Variants in RRAGD observed in about 807,000 individuals in gnomAD.
RRAGD encodes the protein ras-related GTP-binding protein D.
Under a neutral mutation model 35.5 loss-of-function variants are expected in RRAGD, and 12 were observed. The observed-to-expected ratio is 0.34, with a 90% CI of 0.22 to 0.55. RRAGD has a LOEUF of 0.55. Among genes scored for constraint, RRAGD ranks in the 20% least tolerant of loss-of-function variants. The pLI, the probability that RRAGD is intolerant of heterozygous loss-of-function variation, is 0.91. For missense variants in RRAGD, 324 were observed against 490.1 expected, an observed-to-expected ratio of 0.66 and a Z score of 3.20; for synonymous variants, 155 against 178.9, an observed-to-expected ratio of 0.87 and a Z score of 1.07.
intron 1 of RRAGD, among the ~76,000 whole-genome samples, chr6:89,399,757 A>G (rs1394702923): frequency 6.9e-6 from 1 of 143,936 alleles, no homozygotes; most frequent in African/African-American, 2.6e-5. Context: ...TTGTACCACC[A>G]TGCCCAGCTA....
chr6:89,371,098 A>G (rs1306766050), intron 6 of RRAGD, among the ~76,000 whole-genome samples: 2 of 151,928 alleles, frequency 1.3e-5, no homozygotes, highest in East Asian at 1.9e-4. Context: ...TTAGAATATA[A>G]AACTATATTA....
chr6:89,385,948 T>G (rs1769130903), intron 2 of RRAGD, among the ~76,000 whole-genome samples: 1 of 152,198 alleles, frequency 6.6e-6, no homozygotes, highest in Non-Finnish European at 1.5e-5. Flanking sequence ...GGGCTCAGAA[T>G]GATATTATCG....
intron 1 of RRAGD, among the ~76,000 whole-genome samples, chr6:89,408,182 C>T (rs1238772792): frequency 6.6e-6 from 1 of 152,084 alleles, no homozygotes; most frequent in Non-Finnish European, 1.5e-5. Flanking sequence ...AGAAAAGGGG[C>T]TTACATTTCC....
At chr6:89,402,986 C>T (rs751059799) in intron 1 of RRAGD, among the ~76,000 whole-genome samples, 1 of 152,184 alleles carries the variant, frequency 6.6e-6, no homozygotes, top group Non-Finnish European at 1.5e-5. Context: ...TCAATGACAC[C>T]TCCCATGCAG....
chr6:89,387,579 T>G lies in RRAGD; in HGVS notation c.160A>C (p.Ser54Arg), dbSNP rs759569796. ...TTCACTTCAGTGCTGAAGGGGTCAC[T>G]GAAGTCCAGAACTGGAGAAACCACA... The part of the protein sequence containing the change: ...SGTEEGVLDF[S>R]DPFSTEVKPR... The change falls in exon 2 of 7, where the codon AGT (serine) becomes CGT (arginine). Residue 54 changes from serine (S) to arginine (R), a missense_variant. Ser to Arg is a moderately radical substitution (Grantham distance 110, BLOSUM62 -1). Around this residue, in one of 5 missense-constraint regions of RRAGD, gnomAD observed 96 missense variants for 78.7 expected, o/e 1.22. Transcript: ENST00000369415. The G allele has an allele frequency of 5.0e-6, 8 of 1,612,598 alleles. No individual in the cohort carries two copies. Among genetic ancestry groups the G allele is most frequent in the Admixed American group, 1.7e-5 (1 of 59,846 alleles).
At chr6:89,391,087 G>A (rs552746949) in intron 1 of RRAGD, among the ~76,000 whole-genome samples, 81 of 152,000 alleles carry the variant, frequency 5.3e-4, no homozygotes, top group African/African-American at 1.8e-3. Flanking sequence ...AAAAGAATGC[G>A]GTACAATGGA....
At chr6:89,398,025 T>C (rs1482039629) in intron 1 of RRAGD, among the ~76,000 whole-genome samples, 1 of 151,794 alleles carries the variant, frequency 6.6e-6, no homozygotes, top group Non-Finnish European at 1.5e-5. Flanking sequence ...TGGGCACCTG[T>C]AATTGCAGCT....
rs1358852 is a variant in RRAGD at position 89,411,272 on chromosome 6, A to C, written c.148+574T>G. On this transcript the variant is annotated intron_variant, in intron 1 of 6. Coordinates refer to ENST00000369415, the MANE Select transcript of RRAGD (RefSeq NM_021244.5). The surrounding 1 kb of genome is among the most constrained non-coding windows in gnomAD (Gnocchi z 5.6). ...TCCCGGGAAATCTGCGGCCTCTCGGAGACTCCCACAACAGCTTGGCGAGCA... is the reference window on the plus strand; with the variant it reads ...TCCCGGGAAATCTGCGGCCTCTCGGCGACTCCCACAACAGCTTGGCGAGCA... 0.36 allele frequency: 54,905 copies of C among 152,108 alleles called. 11,014 individuals are homozygous for C. Among genetic ancestry groups the C allele is most frequent in the African/African-American group, 0.54 (22,496 of 41,466 alleles). The allele number at this position is 152,108 out of a possible 1,614,324, so 9.4% of individuals were successfully genotyped here.
intron 5 of RRAGD, among the ~76,000 whole-genome samples, chr6:89,377,175 C>T (rs1237767744): frequency 2.0e-5 from 3 of 152,148 alleles, no homozygotes; most frequent in Non-Finnish European, 4.4e-5. Context: ...GTAAGGCTTC[C>T]AGTCAACAGT....
intron 2 of RRAGD, 66 bp downstream of exon 2, chr6:89,387,229 C>A (rs948408369): frequency 1.3e-6 from 2 of 1,512,980 alleles, no homozygotes; most frequent in African/African-American, 2.8e-5. Context: ...AAAACCAAAC[C>A]AAAAACATGG....
intron 2 of RRAGD, among the ~76,000 whole-genome samples, 172 bp from the exon 3 acceptor site, chr6:89,380,539 CAAAG>C (rs1169005451): frequency 6.6e-6 from 1 of 152,022 alleles, no homozygotes; most frequent in Non-Finnish European, 1.5e-5. Flanking sequence ...GTTCTGTTAA[CAAAG>C]AGAGGAAGAA....
intron 1 of RRAGD, among the ~76,000 whole-genome samples, chr6:89,409,045 G>A (rs72912510): frequency 0.18 from 26,899 of 152,060 alleles, 2,542 homozygotes; most frequent in Middle Eastern, 0.23. Flanking sequence ...TGCTATTCAT[G>A]AATAAAATAT....
At position 89,387,538 on chromosome 6, in the gene RRAGD, G is replaced by A. The variant is rs773419976; in HGVS notation, c.201C>T (p.Leu67=). ...ACTTGCCGCTTCTCCTCAGGCCCAT[G>A]AGCAGGATTCTCGGCTTCACTTCAG... The part of the protein sequence containing the change: ...FSTEVKPRIL[L]MGLRRSGKSS... Residue 67 remains leucine (L), a synonymous_variant, in exon 2 of 7, where the codon CTC becomes CTT. Coordinates refer to ENST00000369415, the MANE Select transcript of RRAGD (RefSeq NM_021244.5). The A allele has an allele frequency of 3.1e-6, 5 of 1,614,128 alleles. No individual in the cohort carries two copies. Among genetic ancestry groups the A allele is most frequent in the Non-Finnish European group, 4.2e-6 (5 of 1,180,028 alleles).
rs202246748 is a variant in RRAGD at position 89,377,822 on chromosome 6, T to A, written c.760-9A>T. ...TTTTCAATTCCAGAATTCTGAAATT[T>A]AAAAAAAAAAGTTGCCTTAAAGCAA... is the stretch of plus-strand genomic sequence containing the variant. On this transcript the variant is annotated splice_polypyrimidine_tract_variant and intron_variant, in intron 4 of 6. Transcript: ENST00000369415. 1,065 of 1,413,972 alleles carry A rather than the reference T, an allele frequency of 7.5e-4. 2 individuals are homozygous for A. The African/African-American group carries it at 9.7e-3, about 13-fold the overall frequency. The allele number at this position is 1,413,972 out of a possible 1,614,324, so 87.6% of individuals were successfully genotyped here.
chr6:89,400,135 G>A (rs1244393772), intron 1 of RRAGD, among the ~76,000 whole-genome samples: 6 of 152,106 alleles, frequency 3.9e-5, no homozygotes, highest in African/African-American at 1.2e-4. Flanking sequence ...TCTCCTTGAG[G>A]TGTTCTACAA....
chr6:89,370,555 T>G (rs1480831477), intron 6 of RRAGD, among the ~76,000 whole-genome samples: 2 of 152,200 alleles, frequency 1.3e-5, no homozygotes, highest in Non-Finnish European at 2.9e-5. Context: ...GGCCTACCCT[T>G]TTGATCTAAG....
intron 2 of RRAGD, among the ~76,000 whole-genome samples, chr6:89,380,723 C>T (rs1213880713): frequency 2.0e-5 from 3 of 151,784 alleles, no homozygotes; most frequent in African/African-American, 4.8e-5. Context: ...CTGGCTAACA[C>T]GGTGAAACCC....
At position 89,411,822 on chromosome 6, in the gene RRAGD, A is replaced by G. The variant is rs1256465732; in HGVS notation, c.148+24T>C. The G allele has an allele frequency of 1.9e-6, 3 of 1,542,320 alleles. No homozygotes were observed. Among genetic ancestry groups the G allele is most frequent in the East Asian group, 2.4e-5 (1 of 41,630 alleles). ...AAGGGGAGGAAAGGGGCGCGAGCCG[A>G]GGACGCGGGGGCCGGGCGCTCACCT... On this transcript the variant is annotated intron_variant, in intron 1 of 6. Transcript: ENST00000369415. This position sits in a 1 kb window ranked among gnomAD's most constrained non-coding sequence, Gnocchi z 5.6.
chr6:89,400,434 A>G (rs1277863594), intron 1 of RRAGD, among the ~76,000 whole-genome samples: 3 of 151,974 alleles, frequency 2.0e-5, no homozygotes, highest in African/African-American at 7.3e-5. Flanking sequence ...TACATCAGGA[A>G]AGGTTTCTTA....
Sources: allele counts gnomAD v4.1 joint callset (sites outside exome capture counted in the v4.1 genomes callset), GRCh38; gene constraint gnomAD v4.1.1; regional missense constraint gnomAD v4.1.1; non-coding constraint Gnocchi (gnomAD v3.1); transcripts MANE v1.5; gene names NCBI Gene and HGNC (gene_info 2026-07-23, HGNC 2026-07-21).